The following HDAC9 variants were observed in gnomAD, a reference collection of about 807,000 sequenced individuals.
The protein encoded by HDAC9 is histone deacetylase 9.
A neutral mutation model predicts 139.4 loss-of-function variants in HDAC9; 41 were observed. The observed-to-expected ratio is 0.29, with a 90% CI of 0.23 to 0.38. The LOEUF is 0.38. Ranked by LOEUF, HDAC9 falls within the 10% of genes least tolerant of loss-of-function variation. HDAC9 has a pLI of 1.00. For missense variants in HDAC9, 1,147 were observed against 1,297.0 expected (o/e 0.88, Z 1.78); for synonymous variants, 517 against 476.2 (o/e 1.09, Z -1.12).
intron 23 of HDAC9, among the ~76,000 whole-genome samples, chr7:18,950,339 A>G (rs1487773522): frequency 2.6e-5 from 4 of 152,062 alleles, no homozygotes; most frequent in African/African-American, 9.7e-5. Flanking sequence ...GGAGAAAATA[A>G]TTGTGTGGAA....
intron 22 of HDAC9, among the ~76,000 whole-genome samples, chr7:18,927,840 T>G (rs1301747113): frequency 6.6e-6 from 1 of 152,208 alleles, no homozygotes; most frequent in Non-Finnish European, 1.5e-5. Context: ...TGCTGCTGAA[T>G]GGCAGAGTGA....
intron 2 of HDAC9, among the ~76,000 whole-genome samples, chr7:18,200,046 CT>C (rs1227531925): frequency 6.6e-6 from 1 of 152,198 alleles, no homozygotes; most frequent in Non-Finnish European, 1.5e-5. Flanking sequence ...ACACTAATGA[CT>C]GATTTGCTTC....
chr7:18,118,968 G>A (rs1784194004), intron 1 of HDAC9, among the ~76,000 whole-genome samples: 1 of 152,070 alleles, frequency 6.6e-6, no homozygotes, highest in South Asian at 2.1e-4. Context: ...TGTCAGCATG[G>A]GGATATCAGA....
intron 2 of HDAC9, among the ~76,000 whole-genome samples, chr7:18,270,979 T>A (rs1304853304): frequency 6.6e-6 from 1 of 152,212 alleles, no homozygotes; most frequent in Non-Finnish European, 1.5e-5. Context: ...GCATTAAAAT[T>A]GATTCTGTGT....
intron 2 of HDAC9, among the ~76,000 whole-genome samples, chr7:18,505,184 C>G (rs1711787990): frequency 6.6e-6 from 1 of 152,194 alleles, no homozygotes; most frequent in Non-Finnish European, 1.5e-5. Context: ...ATTCCTGATG[C>G]ATTTGGCACC....
chr7:18,714,172 G>C (rs773982476), intron 12 of HDAC9, among the ~76,000 whole-genome samples: 5 of 152,152 alleles, frequency 3.3e-5, no homozygotes, highest in African/African-American at 4.8e-5. Context: ...TACAAACCAA[G>C]GAGTTTGTTT....
At chr7:18,266,358 T>C (rs1226360091) in intron 2 of HDAC9, among the ~76,000 whole-genome samples, 1 of 152,168 alleles carries the variant, frequency 6.6e-6, no homozygotes, top group African/African-American at 2.4e-5. Flanking sequence ...TTTGATAAGT[T>C]ATAGGCCAAA....
Position 18,732,883 on chromosome 7 carries a change from G to A in HDAC9, c.1909+5126G>A, listed in dbSNP as rs569822712. 1.6e-3 allele frequency among the ~76,000 whole-genome samples: 133 copies of A among 83,304 alleles called. 27 individuals are homozygous for A. Among genetic ancestry groups the A allele is most frequent in the African/African-American group, 9.2e-3 (116 of 12,632 alleles). 54.7% of individuals were successfully genotyped at this position (83,304 alleles called of 152,430 possible). ...TGCGTATGTGTACACACACACGTGT[G>A]CGTATGTGTACACACACACGTGTGC... On this transcript the variant is annotated intron_variant, in intron 13 of 25. Coordinates refer to ENST00000686413, the MANE Select transcript of HDAC9 (RefSeq NM_178425.4).
chr7:18,518,774 G>C (rs1193669746), intron 2 of HDAC9, among the ~76,000 whole-genome samples: 1 of 152,208 alleles, frequency 6.6e-6, no homozygotes, highest in African/African-American at 2.4e-5. Context: ...CCATGTCATA[G>C]ATATCTTTAA....
At chr7:18,658,945 A>G (rs368965973) in intron 11 of HDAC9, among the ~76,000 whole-genome samples, 1 of 151,368 alleles carries the variant, frequency 6.6e-6, no homozygotes, top group Non-Finnish European at 1.5e-5. Context: ...TGCTATTGCC[A>G]TTCCCCAAGT....
chr7:18,712,394 A>G (rs1434843444), intron 12 of HDAC9, among the ~76,000 whole-genome samples: 1 of 152,238 alleles, frequency 6.6e-6, no homozygotes, highest in East Asian at 1.9e-4. Flanking sequence ...AGCAGTGCAT[A>G]GAGCTATTGT....
intron 25 of HDAC9, among the ~76,000 whole-genome samples, chr7:18,980,856 C>T (rs1446888241): frequency 1.3e-5 from 2 of 150,578 alleles, no homozygotes; most frequent in African/African-American, 4.9e-5. Flanking sequence ...TGGAGTCTCA[C>T]TCTGTCACCC....
intron 12 of HDAC9, among the ~76,000 whole-genome samples, chr7:18,680,654 A>G (rs1330685748): frequency 1.3e-5 from 2 of 151,990 alleles, no homozygotes; most frequent in African/African-American, 4.8e-5. Context: ...TTCCTTGACT[A>G]GTATAAAAGA....
At chr7:18,445,766 G>T (rs1475957118) in intron 1 of HDAC9, among the ~76,000 whole-genome samples, 1 of 152,152 alleles carries the variant, frequency 6.6e-6, no homozygotes, top group African/African-American at 2.4e-5. Flanking sequence ...CTCCTTTTAT[G>T]CATGGTTAGT....
intron 12 of HDAC9, among the ~76,000 whole-genome samples, chr7:18,710,795 A>G (rs574526474): frequency 3.3e-4 from 51 of 152,354 alleles, no homozygotes; most frequent in African/African-American, 1.2e-3. Flanking sequence ...AAAAGAGCAC[A>G]TGGATAGAGA....
At position 18,540,378 on chromosome 7, in the gene HDAC9, C is replaced by A. The variant is rs530991617; in HGVS notation, c.22+44054C>A. Among the ~76,000 whole-genome samples the A allele has an allele frequency of 1.3e-3, 197 of 151,830 alleles. 1 individual carries two copies. Among genetic ancestry groups the A allele is most frequent in the African/African-American group, 4.4e-3 (183 of 41,394 alleles). On this transcript the variant is annotated intron_variant, in intron 2 of 25. Transcript: ENST00000686413. ...ACTGTCATCATCAAATTGAAGAAAC[C>A]TTATTAAATATATTTATTCTTTCCT...
intron 14 of HDAC9, among the ~76,000 whole-genome samples, chr7:18,757,433 G>T (rs1323319997): frequency 6.6e-6 from 1 of 152,146 alleles, no homozygotes; most frequent in African/African-American, 2.4e-5. Context: ...TTTTCTCTTA[G>T]TTTGGAACTG....
At chr7:18,839,668 A>G (rs900757164) in intron 21 of HDAC9, among the ~76,000 whole-genome samples, 2 of 152,094 alleles carry the variant, frequency 1.3e-5, no homozygotes, top group Non-Finnish European at 2.9e-5. Flanking sequence ...TATGCTCTAC[A>G]AAGAACTCTG....
chr7:18,954,645 G>A (rs1445545159), intron 24 of HDAC9, among the ~76,000 whole-genome samples: 2 of 152,080 alleles, frequency 1.3e-5, no homozygotes, highest in African/African-American at 2.4e-5. Flanking sequence ...GAAAGCCTCT[G>A]TATGGGAAAA....
Sources: gnomAD v4.1 joint callset for allele counts (sites outside exome capture counted in the v4.1 genomes callset) on GRCh38, gnomAD v4.1.1 for gene constraint, MANE v1.5 for transcripts, NCBI Gene and HGNC (gene_info 2026-07-23, HGNC 2026-07-21) for gene names.